Variants in MUC5AC observed in about 807,000 individuals in gnomAD.
MUC5AC encodes the protein mucin 5AC, oligomeric mucus/gel-forming.
MUC5AC carries 158 observed loss-of-function variants against 169.7 expected under a neutral mutation model. The ratio of observed to expected loss-of-function variants is 0.93; its 90% CI spans 0.82 to 1.06. The LOEUF is 1.06. Ranked by LOEUF, MUC5AC falls within the 50% of genes least tolerant of loss-of-function variation. The pLI is 0.00. For missense variants in MUC5AC, 4,359 were observed against 3,089.9 expected, an observed-to-expected ratio of 1.41 and a Z score of -9.74; for synonymous variants, 1,975 against 1,237.0, an observed-to-expected ratio of 1.60 and a Z score of -12.52.
intron 30 of MUC5AC, 92 bp downstream of exon 30, chr11:1,181,551 C>T (rs1337785058): frequency 2.5e-6 from 1 of 397,724 alleles, no homozygotes; most frequent in Non-Finnish European, 4.4e-6. Flanking sequence ...CACAGCAGCT[C>T]TGGGCATGGG....
rs530013587 is a variant in MUC5AC, at chr11:1,194,504, G to A, written c.15024G>A (p.Lys5008=). Residue 5008 remains lysine (K), a synonymous_variant, in exon 35 of 49, where the codon AAG becomes AAA. Transcript: ENST00000621226. ...VMTNEIIFNN[K]VVSPGFRKNG... Reference sequence around the variant, plus strand: ...GCGTCCAGATCATCTTCAACAACAAGGTGGTCAGCCCCGGCTTCCGGAAAA... The same window carrying A: ...GCGTCCAGATCATCTTCAACAACAAAGTGGTCAGCCCCGGCTTCCGGAAAA... 3 of 760,444 alleles carry A rather than the reference G, an allele frequency of 3.9e-6. 1 individual carries two copies. The South Asian group carries it at 4.0e-5, about 10-fold the overall frequency. The allele number at this position is 760,444 out of a possible 1,614,324, so 47.1% of individuals were successfully genotyped here.
rs1860748965 is a variant in MUC5AC, at chr11:1,179,023, G to A, written c.3328-69G>A. On this transcript the variant is annotated intron_variant, in intron 25 of 48. Transcript: ENST00000621226. ...TCGGCCCCGGTCAATGTGCCAGCAT[G>A]GGCCCGGTCCCCAAGAGCCCGCGGG... The A allele has an allele frequency of 4.5e-5, 20 of 446,030 alleles. No individual in the cohort carries two copies. In the South Asian group the frequency reaches 8.8e-4, roughly 20 times the overall value. 27.6% of individuals were successfully genotyped at this position (446,030 alleles called of 1,614,324 possible). A position where few individuals can be genotyped will look rare whatever the true frequency, so the allele number is the denominator to read the frequency against.
rs752849348 is a variant in MUC5AC at position 1,194,241 on chromosome 11, G to T, written c.14887G>T (p.Asp4963Tyr). 7.8e-6 allele frequency: 6 copies of T among 764,808 alleles called. No homozygotes were observed. The highest frequency in any genetic ancestry group is 5.4e-5 in the South Asian group (4 of 74,566). 47.4% of individuals were successfully genotyped at this position (764,808 alleles called of 1,614,324 possible). A position where few individuals can be genotyped will look rare whatever the true frequency, so the allele number is the denominator to read the frequency against. ...GTATGGCCACTTCCGCGTGCTCGTC[G>T]ACAACTACTTCTGCGGTGCGGAGGA... The part of the protein sequence containing the change: ...PVYGHFRVLV[D>Y]NYFCGAEDGL... The change falls in exon 34 of 49, where the codon GAC becomes TAC. Residue 4963 changes from aspartate (D) to tyrosine (Y), a missense_variant. Asp to Tyr is a radical substitution (Grantham distance 160). Coordinates refer to ENST00000621226, the MANE Select transcript of MUC5AC (RefSeq NM_001304359.2).
In MUC5AC at chr11:1,161,579, G is replaced by C. The variant is rs763630940; in HGVS notation, c.204G>C (p.Val68=). The C allele has an allele frequency of 1.2e-6, 2 of 1,609,998 alleles. No individual in the cohort carries two copies. The highest frequency in any genetic ancestry group is 3.3e-5 in the Admixed American group (2 of 59,888). The stretch of plus-strand genomic sequence containing the variant: ...TCCCATCTCTGAGGACCATCCCTGT[G>C]GTACGAGGTGAGTGGAGCCCGGAGG... The part of the protein sequence containing the change: ...TVFPSLRTIP[V]VRASNPAHNG... The change falls in exon 3 of 49, where the codon GTG becomes GTC. Residue 68 remains valine, a synonymous_variant. Transcript: ENST00000621226.
Position 1,192,372 on chromosome 11 carries a change from C to T in MUC5AC, c.14227C>T (p.Pro4743Ser). 2.6e-6 allele frequency: 2 copies of T among 765,110 alleles called. No individual in the cohort carries two copies. Among genetic ancestry groups the T allele is most frequent in the Non-Finnish European group, 2.4e-6 (1 of 417,898 alleles). 47.4% of individuals were successfully genotyped at this position (765,110 alleles called of 1,614,324 possible). ...VTSVTPYGTS[P>S]TNALYPSLST... is the part of the protein sequence containing the mutation. ...CTCTGTGACCCCATATGGGACTTCT[C>T]CTACCAATGCTCTGTATCCTTCCCT... Residue 4743 changes from proline (P) to serine (S), a missense_variant, in exon 31 of 49, where the codon CCT becomes TCT. Coordinates refer to ENST00000621226, the MANE Select transcript of MUC5AC (RefSeq NM_001304359.2).
chr11:1,182,401 G>A lies in MUC5AC; in HGVS notation c.4256G>A (p.Arg1419Gln), dbSNP rs1590143924. Residue 1419 changes from arginine (R) to glutamine (Q), a missense_variant, in exon 31 of 49, where the codon CGG becomes CAG. Physicochemically the swap from Arg to Gln is conservative, Grantham distance 43. Coordinates refer to ENST00000621226, the MANE Select transcript of MUC5AC (RefSeq NM_001304359.2). ...TLENLRAHGY[R>Q]VCESPRSVEC... is the part of the protein sequence containing the mutation. The stretch of plus-strand genomic sequence containing the variant: ...GAGAACCTCCGCGCCCATGGGTACC[G>A]GGTGTGCGAATCACCCAGGTCGGTG... 4 of 398,498 alleles carry A rather than the reference G, an allele frequency of 1.0e-5. No individual in the cohort carries two copies. The highest frequency in any genetic ancestry group is 4.4e-5 in the Admixed American group (1 of 22,722). 24.7% of individuals were successfully genotyped at this position (398,498 alleles called of 1,614,324 possible). A position where few individuals can be genotyped will look rare whatever the true frequency, so the allele number is the denominator to read the frequency against.
chr11:1,189,319 C>G lies in MUC5AC; in HGVS notation c.11174C>G (p.Thr3725Arg). The G allele has an allele frequency of 3.5e-6, 2 of 574,822 alleles. No individual in the cohort carries two copies. The highest frequency in any genetic ancestry group is 6.2e-6 in the Non-Finnish European group (2 of 324,324). The allele number at this position is 574,822 out of a possible 1,614,324, so 35.6% of individuals were successfully genotyped here. A position where few individuals can be genotyped will look rare whatever the true frequency, so the allele number is the denominator to read the frequency against. Reference protein sequence around the residue: ...TPQTTTSSAPTSSTTSAPTTS... With the variant: ...TPQTTTSSAPRSSTTSAPTTS... ...CAGACCACCACATCCTCTGCCCCTACAAGCAGCACAACCTCGGCTCCTACC... is the reference window on the plus strand; with the variant it reads ...CAGACCACCACATCCTCTGCCCCTAGAAGCAGCACAACCTCGGCTCCTACC... The change falls in exon 31 of 49, where the codon ACA (threonine) becomes AGA (arginine). Residue 3725 changes from threonine to arginine, a missense_variant. Thr to Arg is a moderately conservative substitution (Grantham distance 71). Coordinates refer to ENST00000621226, the MANE Select transcript of MUC5AC (RefSeq NM_001304359.2).
intron 19 of MUC5AC, 89 bp from the exon 20 acceptor site, chr11:1,176,062 C>T (rs1860678433): frequency 1.0e-5 from 4 of 398,138 alleles, no homozygotes; most frequent in Non-Finnish European, 1.8e-5. Context: ...AATGTGCACG[C>T]ACATGGCACA....
chr11:1,195,972 C>T lies in MUC5AC; in HGVS notation c.15555C>T (p.Cys5185=), dbSNP rs762613951. 1.3e-5 allele frequency: 10 copies of T among 765,020 alleles called. No homozygotes were observed. The highest frequency in any genetic ancestry group is 2.2e-5 in the Non-Finnish European group (9 of 417,816). 47.4% of individuals were successfully genotyped at this position (765,020 alleles called of 1,614,324 possible). A position where few individuals can be genotyped will look rare whatever the true frequency, so the allele number is the denominator to read the frequency against. Residue 5185 remains cysteine (C), a synonymous_variant, in exon 37 of 49, where the codon TGC becomes TGT. Transcript: ENST00000621226. ...ACATGACGGACCTGGATGTGGTGTG[C>T]TCCAGCCTGGAGCTGTACGCGGCAC... The part of the protein sequence containing the change: ...RCHMTDLDVV[C]SSLELYAALC...
chr11:1,194,932 C>T, intron 35 of MUC5AC, 80 bp from the exon 36 acceptor site: 2 of 648,308 alleles, frequency 3.1e-6, no homozygotes, highest in Non-Finnish European at 2.8e-6. Context: ...CCCTGAGACA[C>T]CAGGGTCCTG....
In MUC5AC at chr11:1,185,434, C is replaced by G; in HGVS notation, c.7289C>G (p.Ser2430Cys). The G allele has an allele frequency of 1.4e-6, 1 of 730,366 alleles. No homozygotes were observed. Among genetic ancestry groups the G allele is most frequent in the Admixed American group, 1.9e-5 (1 of 53,322 alleles). The allele number at this position is 730,366 out of a possible 1,614,324, so 45.2% of individuals were successfully genotyped here. The change falls in exon 31 of 49, where the codon TCC (serine) becomes TGC (cysteine). Residue 2430 changes from serine to cysteine, a missense_variant. Physicochemically the swap from Ser to Cys is moderately radical, Grantham distance 112. Coordinates refer to ENST00000621226, the MANE Select transcript of MUC5AC (RefSeq NM_001304359.2). ...TCTGCCCCTACAAGCAGCACAACCT[C>G]CAGTCCACAGACCAGCACAACCTCG... The part of the protein sequence containing the change: ...TTSAPTSSTT[S>C]SPQTSTTSAP...
intron 24 of MUC5AC, 76 bp from the exon 25 acceptor site, chr11:1,178,368 G>C (rs913478884): frequency 5.4e-5 from 22 of 410,886 alleles, no homozygotes; most frequent in Non-Finnish European, 8.5e-5. Flanking sequence ...GGTGGGAGGA[G>C]GCGGCCTAGG....
Position 1,182,843 on chromosome 11 carries a change from G to A in MUC5AC, c.4698G>A (p.Lys1566=), listed in dbSNP as rs1284435358. ...CGGGGACCTCTGTGGTCTCCAGCAAGCCCACCCCCACGGAGCCCAGCACAT... is the reference window on the plus strand; with the variant it reads ...CGGGGACCTCTGTGGTCTCCAGCAAACCCACCCCCACGGAGCCCAGCACAT... ...TAPGTSVVSS[K]PTPTEPSTSS... The change falls in exon 31 of 49, where the codon AAG becomes AAA. Residue 1566 remains lysine, a synonymous_variant. Coordinates refer to ENST00000621226, the MANE Select transcript of MUC5AC (RefSeq NM_001304359.2). 5.3e-5 allele frequency: 21 copies of A among 398,308 alleles called. No homozygotes were observed. Among genetic ancestry groups the A allele is most frequent in the Non-Finnish European group, 9.3e-5 (21 of 226,030 alleles). 24.7% of individuals were successfully genotyped at this position (398,308 alleles called of 1,614,324 possible). A position where few individuals can be genotyped will look rare whatever the true frequency, so the allele number is the denominator to read the frequency against.
At chr11:1,170,254 TTCAC>T (rs1484919410) in intron 15 of MUC5AC, among the ~76,000 whole-genome samples, 1 of 16,618 alleles carries the variant, frequency 6.0e-5, no homozygotes, top group Non-Finnish European at 9.7e-5. Context: ...CATTCACCCA[TTCAC>T]TCACTCACCC....
chr11:1,161,840 C>T, intron 3 of MUC5AC, 67 bp from the exon 4 acceptor site: 1 of 1,545,528 alleles, frequency 6.5e-7, no homozygotes, highest in Non-Finnish European at 8.7e-7. Flanking sequence ...AGGTACAGGG[C>T]AGAGGCAGGG....
rs1860942759 is a variant in MUC5AC at position 1,186,271 on chromosome 11, C to G, written c.8126C>G (p.Thr2709Ser). ...AGCCCTGTTCCCACCACCAGCACAA[C>G]CTCTGCTCCCACAACAAGCACAACC... ...TPSPVPTTST[T>S]SAPTTSTTSA... The change falls in exon 31 of 49, where the codon ACC (threonine) becomes AGC (serine). Residue 2709 changes from threonine to serine, a missense_variant. By Grantham distance (58) the Thr-to-Ser change is moderately conservative (BLOSUM62 1). Coordinates refer to ENST00000621226, the MANE Select transcript of MUC5AC (RefSeq NM_001304359.2). The G allele has an allele frequency of 1.4e-6, 1 of 739,140 alleles. No individual in the cohort carries two copies. 45.8% of individuals were successfully genotyped at this position (739,140 alleles called of 1,614,324 possible).
At position 1,165,745 on chromosome 11, in the gene MUC5AC, C is replaced by T. The variant is rs754452077; in HGVS notation, c.1371C>T (p.Ser457=). 1.1e-5 allele frequency: 17 copies of T among 1,612,102 alleles called. No homozygotes were observed. The Admixed American group carries it at 2.7e-4, about 25-fold the overall frequency. ...AATACACGGTGCACGGCGACTGCAG[C>T]TATGTGCTGACCAAGGTACGGCCTG... ...GKQYTVHGDC[S]YVLTKPCDSS... The change falls in exon 11 of 49, where the codon AGC becomes AGT. Residue 457 remains serine (S), a synonymous_variant. Coordinates refer to ENST00000621226, the MANE Select transcript of MUC5AC (RefSeq NM_001304359.2).
In MUC5AC at chr11:1,188,557, C is replaced by T. The variant is rs1174780081; in HGVS notation, c.10412C>T (p.Thr3471Ile). 2.9e-4 allele frequency: 221 copies of T among 759,950 alleles called. 1 individual carries two copies. The African/African-American group carries it at 2.9e-3, about 10-fold the overall frequency. The allele number at this position is 759,950 out of a possible 1,614,324, so 47.1% of individuals were successfully genotyped here. ...STTSTPQTSK[T>I]SAATSSTTSG... ...ACCTCCACTCCACAGACCAGCAAAACCTCAGCTGCTACAAGCAGCACAACC... is the reference window on the plus strand; with the variant it reads ...ACCTCCACTCCACAGACCAGCAAAATCTCAGCTGCTACAAGCAGCACAACC... The change falls in exon 31 of 49, where the codon ACC becomes ATC. Residue 3471 changes from threonine to isoleucine, a missense_variant. Physicochemically the swap from Thr to Ile is moderately conservative, Grantham distance 89. Coordinates refer to ENST00000621226, the MANE Select transcript of MUC5AC (RefSeq NM_001304359.2).
chr11:1,170,739 A>G (rs1860488150), intron 15 of MUC5AC, among the ~76,000 whole-genome samples: 1 of 108,102 alleles, frequency 9.3e-6, no homozygotes, highest in Non-Finnish European at 2.0e-5. Flanking sequence ...TCACTCACCC[A>G]TTCACCCATT....
Sources: allele counts gnomAD v4.1 joint callset (sites outside exome capture counted in the v4.1 genomes callset), GRCh38; gene constraint gnomAD v4.1.1; transcripts MANE v1.5; gene names NCBI Gene and HGNC (gene_info 2026-07-23, HGNC 2026-07-21).